Variants in DOCK3 observed in about 807,000 individuals in gnomAD.
The protein encoded by DOCK3 is dedicator of cytokinesis 3.
In DOCK3, 60 loss-of-function variants were observed where a neutral mutation model predicts 265.6. The ratio of observed to expected loss-of-function variants is 0.23; its 90% CI spans 0.18 to 0.28. DOCK3 has a LOEUF of 0.28. Ranked by LOEUF, DOCK3 falls within the 10% of genes least tolerant of loss-of-function variation. The pLI is 1.00. For missense variants in DOCK3, 1,981 were observed against 2,594.3 expected (o/e 0.76, Z 5.14); for synonymous variants, 881 against 938.0 (o/e 0.94, Z 1.11).
chr3:51,128,938 C>G (rs1442391238), intron 9 of DOCK3, among the ~76,000 whole-genome samples: 1 of 152,120 alleles, frequency 6.6e-6, no homozygotes, highest in Non-Finnish European at 1.5e-5. Flanking sequence ...GTCATCCTAT[C>G]TACTTGATTA....
At chr3:51,131,253 A>T (rs1311581761) in intron 9 of DOCK3, among the ~76,000 whole-genome samples, 1 of 152,136 alleles carries the variant, frequency 6.6e-6, no homozygotes, top group Non-Finnish European at 1.5e-5. Context: ...GACTTCCATA[A>T]GCCCCTGCAT....
At chr3:51,344,400 C>T (rs1167226889) in intron 38 of DOCK3, among the ~76,000 whole-genome samples, 1 of 152,186 alleles carries the variant, frequency 6.6e-6, no homozygotes, top group Non-Finnish European at 1.5e-5. Context: ...GTGGGCGGAT[C>T]ACTTGAGGTC....
intron 12 of DOCK3, among the ~76,000 whole-genome samples, chr3:51,194,799 G>A (rs566927134): frequency 2.1e-5 from 3 of 144,930 alleles, no homozygotes; most frequent in African/African-American, 7.6e-5. Flanking sequence ...GTCTGTATGT[G>A]TCTTTACTGC....
chr3:51,306,507 T>C (rs1361552711), intron 27 of DOCK3, among the ~76,000 whole-genome samples: 1 of 152,206 alleles, frequency 6.6e-6, no homozygotes, highest in African/African-American at 2.4e-5. Flanking sequence ...CTCTTTCTCT[T>C]TTCCTTCTGG....
intron 4 of DOCK3, among the ~76,000 whole-genome samples, chr3:50,928,840 C>T (rs2050907654): frequency 6.6e-6 from 1 of 152,174 alleles, no homozygotes; most frequent in Admixed American, 6.5e-5. Flanking sequence ...CATATGCATT[C>T]AGTAGAAACC....
chr3:50,885,779 C>G (rs886257077), intron 3 of DOCK3, among the ~76,000 whole-genome samples: 2 of 152,018 alleles, frequency 1.3e-5, no homozygotes, highest in Non-Finnish European at 2.9e-5. Context: ...TTACGTTACC[C>G]CAATGTGGGT....
intron 9 of DOCK3, among the ~76,000 whole-genome samples, chr3:51,111,405 A>G (rs191933779): frequency 2.9e-4 from 44 of 152,348 alleles, no homozygotes; most frequent in Non-Finnish European, 5.0e-4. Context: ...GGAACAGAAT[A>G]GAGAGACCAG....
chr3:50,912,600 G>A (rs1017221356), intron 4 of DOCK3, among the ~76,000 whole-genome samples: 1 of 152,092 alleles, frequency 6.6e-6, no homozygotes, highest in Non-Finnish European at 1.5e-5. Flanking sequence ...AAAAACTTTA[G>A]AAGTCTACTT....
At chr3:51,089,463 A>G (rs186510290) in intron 8 of DOCK3, among the ~76,000 whole-genome samples, 179 bp downstream of exon 8, 2 of 152,344 alleles carry the variant, frequency 1.3e-5, no homozygotes, top group Admixed American at 1.3e-4. Flanking sequence ...TACTGTGCAG[A>G]TTTGCATAAG....
chr3:51,078,376 C>A (rs1422087513), intron 7 of DOCK3, among the ~76,000 whole-genome samples: 1 of 151,924 alleles, frequency 6.6e-6, no homozygotes, highest in African/African-American at 2.4e-5. Context: ...TCAGGAAGCC[C>A]AGTATTCAGA....
chr3:50,747,243 G>A (rs916609984), intron 1 of DOCK3, among the ~76,000 whole-genome samples: 2 of 152,158 alleles, frequency 1.3e-5, no homozygotes, highest in South Asian at 2.1e-4. Flanking sequence ...TTGAGATCAG[G>A]TAGTGTTAGC....
chr3:51,110,342 A>C (rs367709193), intron 9 of DOCK3, among the ~76,000 whole-genome samples: 1 of 152,324 alleles, frequency 6.6e-6, no homozygotes, highest in East Asian at 1.9e-4. Flanking sequence ...TCATTCTGAT[A>C]CCAAAACCTG....
chr3:51,118,798 A>AT (rs564429211), intron 9 of DOCK3, among the ~76,000 whole-genome samples: 180 of 143,900 alleles, frequency 1.3e-3, no homozygotes, highest in Middle Eastern at 7.4e-3. Flanking sequence ...ATTACAACCC[A>AT]TTTTTTTTTT....
chr3:51,010,238 ACTGTGTGGGAGT>A (rs1193286433), intron 5 of DOCK3, among the ~76,000 whole-genome samples: 1 of 152,060 alleles, frequency 6.6e-6, no homozygotes, highest in African/African-American at 2.4e-5. Flanking sequence ...TCCCATTATT[ACTGTGTGGGAGT>A]CTAAGTCTGT....
chr3:50,935,854 C>A (rs2051330994), intron 5 of DOCK3, among the ~76,000 whole-genome samples: 1 of 152,154 alleles, frequency 6.6e-6, no homozygotes, highest in South Asian at 2.1e-4. Context: ...AGGTTGACTA[C>A]TTGCTAAAAT....
chr3:51,085,842 C>A (rs2082398725), intron 7 of DOCK3, among the ~76,000 whole-genome samples: 1 of 151,646 alleles, frequency 6.6e-6, no homozygotes, highest in Non-Finnish European at 1.5e-5. Context: ...CAAAATAGAG[C>A]TGAAAAAAAC....
Position 51,237,727 on chromosome 3 carries a change from A to G in DOCK3, c.2102+137A>G. On this transcript the variant is annotated intron_variant, in intron 21 of 52. Coordinates refer to ENST00000266037, the MANE Select transcript of DOCK3 (RefSeq NM_004947.5). ...TTTATATTTTTAATTGTGATAAAAT[A>G]CACATAACACAAAATTGACCATCTT... 5.4e-6 allele frequency: 4 copies of G among 745,030 alleles called. No homozygotes were observed. In the South Asian group the frequency reaches 7.2e-5, roughly 13 times the overall value. The allele number at this position is 745,030 out of a possible 1,614,324, so 46.2% of individuals were successfully genotyped here.
chr3:51,036,676 A>G (rs2080282430), intron 5 of DOCK3, among the ~76,000 whole-genome samples: 1 of 151,790 alleles, frequency 6.6e-6, no homozygotes, highest in Admixed American at 6.6e-5. Flanking sequence ...AGTCACGACT[A>G]GGTTAATTTT....
intron 32 of DOCK3, among the ~76,000 whole-genome samples, chr3:51,328,901 C>G (rs2084330260): frequency 6.6e-6 from 1 of 152,058 alleles, no homozygotes; most frequent in Non-Finnish European, 1.5e-5. Flanking sequence ...GCCTGTAATC[C>G]CAGCAGTTTG....
Sources: gnomAD v4.1 joint callset for allele counts (sites outside exome capture counted in the v4.1 genomes callset) on GRCh38, gnomAD v4.1.1 for gene constraint, MANE v1.5 for transcripts, NCBI Gene and HGNC (gene_info 2026-07-23, HGNC 2026-07-21) for gene names.